The following ATP8A1 variants were observed in gnomAD, a reference collection of about 807,000 sequenced individuals.
ATP8A1 encodes the protein phospholipid-transporting ATPase IA.
A neutral mutation model predicts 177.7 loss-of-function variants in ATP8A1; 90 were observed. That is an observed-to-expected ratio of 0.51 (90% CI 0.43 to 0.60). The LOEUF is 0.60. ATP8A1 is among the 20% of genes least tolerant of loss of function. The probability of loss-of-function intolerance (pLI) is 0.00; values close to 1 mark genes in which losing one functional copy is unlikely to be tolerated. For missense variants in ATP8A1, 1,072 were observed against 1,392.8 expected, an observed-to-expected ratio of 0.77 and a Z score of 3.67; for synonymous variants, 493 against 485.9, an observed-to-expected ratio of 1.01 and a Z score of -0.19.
chr4:42,466,983 T>C (rs1225505987), intron 25 of ATP8A1, among the ~76,000 whole-genome samples: 1 of 152,236 alleles, frequency 6.6e-6, no homozygotes, highest in East Asian at 1.9e-4. Flanking sequence ...TTCTCTTTAA[T>C]AGTCTAACAG....
intron 25 of ATP8A1, among the ~76,000 whole-genome samples, chr4:42,467,149 T>TA (rs1171236040): frequency 6.6e-6 from 1 of 152,142 alleles, no homozygotes; most frequent in Non-Finnish European, 1.5e-5. Context: ...GGACTAAATT[T>TA]AGTTTTCTTC....
chr4:42,551,357 G>T, intron 17 of ATP8A1, 77 bp from the exon 18 acceptor site: 1 of 981,472 alleles, frequency 1.0e-6, no homozygotes, highest in Non-Finnish European at 1.6e-6. Flanking sequence ...GTACATTAAG[G>T]TAATATAATT....
At chr4:42,618,476 C>T (rs1316562102) in intron 4 of ATP8A1, among the ~76,000 whole-genome samples, 1 of 152,192 alleles carries the variant, frequency 6.6e-6, no homozygotes, top group Non-Finnish European at 1.5e-5. Context: ...CACAAGGCAA[C>T]CAGGGACCTT....
intron 11 of ATP8A1, 104 bp from the exon 12 acceptor site, chr4:42,578,491 A>G (rs1014202010): frequency 2.3e-6 from 3 of 1,283,622 alleles, no homozygotes; most frequent in Admixed American, 2.3e-5. Context: ...AGCTTATTTG[A>G]TAATTTGGGA....
chr4:42,619,518 T>C (rs1386894911), intron 4 of ATP8A1, among the ~76,000 whole-genome samples: 2 of 152,114 alleles, frequency 1.3e-5, no homozygotes, highest in African/African-American at 4.8e-5. Flanking sequence ...TTAAGTTATC[T>C]AAAGCATCAA....
chr4:42,593,248 G>A (rs1196743657), intron 6 of ATP8A1, among the ~76,000 whole-genome samples: 5 of 151,988 alleles, frequency 3.3e-5, no homozygotes, highest in African/African-American at 1.2e-4. Flanking sequence ...TTCTGAAGAC[G>A]CCAAGAATGG....
At chr4:42,561,411 G>A (rs564750367) in intron 15 of ATP8A1, 1 of 152,368 alleles carries the variant, frequency 6.6e-6, no homozygotes, top group South Asian at 2.1e-4. Context: ...CATCCCTCTG[G>A]GAAAAGGCCT....
chr4:42,493,683 C>T (rs1225234244), intron 24 of ATP8A1, among the ~76,000 whole-genome samples: 5 of 152,088 alleles, frequency 3.3e-5, no homozygotes, highest in African/African-American at 9.7e-5. Context: ...CTTGCTCTGC[C>T]GCGTACTGGC....
chr4:42,426,931 G>T (rs1714689998), intron 33 of ATP8A1, among the ~76,000 whole-genome samples: 1 of 152,182 alleles, frequency 6.6e-6, no homozygotes, highest in South Asian at 2.1e-4. Flanking sequence ...AGAAATTATT[G>T]ACTACACCGG....
At chr4:42,656,695 G>T (rs1012509750) in intron 1 of ATP8A1, 130 bp downstream of exon 1, 1 of 1,126,826 alleles carries the variant, frequency 8.9e-7, no homozygotes, top group Non-Finnish European at 1.2e-6. Context: ...TCCCCTAGGG[G>T]CCGGGCGCGA....
chr4:42,482,735 T>G (rs1721822340), intron 25 of ATP8A1, among the ~76,000 whole-genome samples: 1 of 152,206 alleles, frequency 6.6e-6, no homozygotes, highest in South Asian at 2.1e-4. Flanking sequence ...ATGATGGAAC[T>G]AACATGGAGA....
chr4:42,656,121 G>A (rs1175843660), intron 1 of ATP8A1, among the ~76,000 whole-genome samples: 1 of 152,202 alleles, frequency 6.6e-6, no homozygotes, highest in Non-Finnish European at 1.5e-5. Context: ...TTCTACCCCG[G>A]AGCATCTGTT....
intron 15 of ATP8A1, among the ~76,000 whole-genome samples, chr4:42,559,620 T>C (rs955564757): frequency 1.3e-5 from 2 of 152,258 alleles, no homozygotes; most frequent in African/African-American, 4.8e-5. Context: ...TAGGAATTTA[T>C]ATTGTTTAAC....
chr4:42,593,842 T>G (rs1312440783), intron 6 of ATP8A1, among the ~76,000 whole-genome samples: 1 of 152,002 alleles, frequency 6.6e-6, no homozygotes, highest in Non-Finnish European at 1.5e-5. Flanking sequence ...AGTATGGCAT[T>G]TCAAAAGGCA....
At chr4:42,652,692 T>C (rs1741219902) in intron 1 of ATP8A1, among the ~76,000 whole-genome samples, 1 of 152,142 alleles carries the variant, frequency 6.6e-6, no homozygotes, top group Non-Finnish European at 1.5e-5. Context: ...GTCTTTCCCG[T>C]GCTGTTCTCA....
chr4:42,586,056 C>T (rs571274302), intron 9 of ATP8A1, among the ~76,000 whole-genome samples: 10 of 152,272 alleles, frequency 6.6e-5, no homozygotes, highest in African/African-American at 1.9e-4. Flanking sequence ...ACAGGTAATT[C>T]TTACTCCCAT....
chr4:42,493,309 T>G (rs1404184642), intron 24 of ATP8A1, among the ~76,000 whole-genome samples: 2 of 152,180 alleles, frequency 1.3e-5, no homozygotes, highest in Non-Finnish European at 2.9e-5. Context: ...AAAGATAAAC[T>G]AATCAAACAT....
intron 25 of ATP8A1, chr4:42,471,682 A>G: frequency 3.7e-6 from 1 of 268,550 alleles, no homozygotes. Context: ...TATCTACAAT[A>G]TTGCTGTTCA....
intron 19 of ATP8A1, among the ~76,000 whole-genome samples, chr4:42,547,544 A>G (rs1489003813): frequency 2.6e-5 from 4 of 152,222 alleles, no homozygotes; most frequent in African/African-American, 9.6e-5. Flanking sequence ...TGGTTTAAAA[A>G]ACGTATCTAA....
Sources: allele counts gnomAD v4.1 joint callset (sites outside exome capture counted in the v4.1 genomes callset), GRCh38; gene constraint gnomAD v4.1.1; transcripts MANE v1.5; gene names NCBI Gene and HGNC (gene_info 2026-07-23, HGNC 2026-07-21).